LOC122539214: variants seen among roughly 807,000 people sequenced by gnomAD.
chr19:52,665,054 A>C, the LOC122539214 span, among the ~76,000 whole-genome samples: 1 of 152,208 alleles, frequency 6.6e-6, no homozygotes, highest in Non-Finnish European at 1.5e-5. Flanking sequence ...TGCGAAATGC[A>C]AAGTCCTGCC....
At chr19:52,671,680 C>T in the LOC122539214 span, among the ~76,000 whole-genome samples, 4 of 152,122 alleles carry the variant, frequency 2.6e-5, no homozygotes, top group Non-Finnish European at 2.9e-5. Context: ...TGGACTCAAG[C>T]GATCAACCCA....
chr19:52,660,035 CA>C, the LOC122539214 span, among the ~76,000 whole-genome samples: 1 of 151,882 alleles, frequency 6.6e-6, no homozygotes, highest in Non-Finnish European at 1.5e-5. Flanking sequence ...ACTAAAAATA[CA>C]AAAAATTAGC....
At chr19:52,663,870 G>A in the LOC122539214 span, among the ~76,000 whole-genome samples, 144 of 152,322 alleles carry the variant, frequency 9.5e-4, no homozygotes, top group African/African-American at 3.5e-3. Context: ...GCTTATTTGA[G>A]AAGCAGTTAT....
chr19:52,666,025 A>G, the LOC122539214 span, among the ~76,000 whole-genome samples: 1 of 151,782 alleles, frequency 6.6e-6, no homozygotes, highest in Admixed American at 6.6e-5. Context: ...TTAGCCGGGC[A>G]TGGTGATGGG....
At chr19:52,676,287 A>G in the LOC122539214 span, among the ~76,000 whole-genome samples, 10 of 152,122 alleles carry the variant, frequency 6.6e-5, no homozygotes, top group African/African-American at 2.2e-4. Context: ...TCAGTGCTCA[A>G]TGGTGCCCAG....
chr19:52,663,107 G>A, the LOC122539214 span, among the ~76,000 whole-genome samples: 3 of 152,000 alleles, frequency 2.0e-5, no homozygotes, highest in African/African-American at 7.3e-5. Context: ...AGGTTGCAGT[G>A]AGCCAAGATC....
the LOC122539214 span, chr19:52,652,041 C>T: frequency 4.3e-6 from 1 of 232,292 alleles, no homozygotes; most frequent in Non-Finnish European, 8.7e-6. Flanking sequence ...TACTGTTCTG[C>T]AAGGAGTGAC....
chr19:52,675,950 G>T, the LOC122539214 span, among the ~76,000 whole-genome samples: 2 of 152,240 alleles, frequency 1.3e-5, no homozygotes, highest in Non-Finnish European at 2.9e-5. Context: ...CCACCACTTT[G>T]GGAGGCCGAT....
At chr19:52,673,447 G>A in the LOC122539214 span, among the ~76,000 whole-genome samples, 1 of 152,092 alleles carries the variant, frequency 6.6e-6, no homozygotes, top group Non-Finnish European at 1.5e-5. Flanking sequence ...AGGTTGCAGT[G>A]AGCTGAGATC....
the LOC122539214 span, among the ~76,000 whole-genome samples, chr19:52,664,057 G>A: frequency 6.6e-6 from 1 of 152,158 alleles, no homozygotes; most frequent in Non-Finnish European, 1.5e-5. Flanking sequence ...GCTAATTTCA[G>A]TATTTCAGTT....
At chr19:52,674,955 A>G in the LOC122539214 span, among the ~76,000 whole-genome samples, 1 of 152,180 alleles carries the variant, frequency 6.6e-6, no homozygotes, top group South Asian at 2.1e-4. Context: ...TTCTGACATC[A>G]AGTGATCTAC....
chr19:52,664,266 C>T, the LOC122539214 span, among the ~76,000 whole-genome samples: 2 of 151,342 alleles, frequency 1.3e-5, no homozygotes, highest in South Asian at 2.1e-4. Context: ...GAGGCCGATG[C>T]GGCTGGATCC....
chr19:52,679,665 G>T, the LOC122539214 span, among the ~76,000 whole-genome samples: 1 of 152,128 alleles, frequency 6.6e-6, no homozygotes, highest in Non-Finnish European at 1.5e-5. Flanking sequence ...ATCAGTCAGT[G>T]TGATGCTTTC....
chr19:52,678,671 T>C, the LOC122539214 span, among the ~76,000 whole-genome samples: 1 of 151,910 alleles, frequency 6.6e-6, no homozygotes, highest in African/African-American at 2.4e-5. Context: ...TCAACAAAAA[T>C]GTTTCATCAA....
At chr19:52,673,630 G>A in the LOC122539214 span, among the ~76,000 whole-genome samples, 6 of 152,208 alleles carry the variant, frequency 3.9e-5, no homozygotes, top group East Asian at 1.9e-4. Context: ...AGCCAATAAC[G>A]ATGCAAATAT....
chr19:52,681,495 G>A, the LOC122539214 span, among the ~76,000 whole-genome samples: 28 of 152,174 alleles, frequency 1.8e-4, no homozygotes, highest in African/African-American at 6.5e-4. Flanking sequence ...TAACATTTTT[G>A]AATGCTTCCC....
the LOC122539214 span, among the ~76,000 whole-genome samples, chr19:52,664,243 C>A: frequency 6.6e-6 from 1 of 151,452 alleles, no homozygotes; most frequent in African/African-American, 2.4e-5. Flanking sequence ...TGCCTGTAAT[C>A]CCAAGACTTT....
the LOC122539214 span, among the ~76,000 whole-genome samples, chr19:52,679,183 G>T: frequency 6.6e-6 from 1 of 152,196 alleles, no homozygotes; most frequent in African/African-American, 2.4e-5. Context: ...CTCATAGGAG[G>T]CTGTGAGCCC....
chr19:52,674,110 G>A, the LOC122539214 span: 3 of 151,750 alleles, frequency 2.0e-5, no homozygotes, highest in Admixed American at 6.6e-5. Context: ...CTCTGATATG[G>A]CTCTAGACCA....
Sources: gnomAD v4.1 joint callset for allele counts (sites outside exome capture counted in the v4.1 genomes callset) on GRCh38, gnomAD v4.1.1 for gene constraint, MANE v1.5 for transcripts.